The following NRG1 variants were observed in gnomAD, a reference collection of about 807,000 sequenced individuals.
NRG1 encodes neuregulin 1.
A neutral mutation model predicts 63.8 loss-of-function variants in NRG1; 18 were observed. The ratio of observed to expected loss-of-function variants is 0.28; its 90% confidence interval spans 0.19 to 0.42. NRG1 has a LOEUF of 0.42. Ranked by LOEUF, NRG1 falls within the 10% of genes least tolerant of loss-of-function variation. The pLI is 1.00. For synonymous variants in NRG1, 302 were observed against 301.3 expected, an observed-to-expected ratio of 1.00 and a Z score of -0.02; for missense variants, 762 against 814.7, an observed-to-expected ratio of 0.94 and a Z score of 0.79.
At chr8:31,652,165 A>AT (rs1037466368) in intron 1 of NRG1, among the ~76,000 whole-genome samples, 11 of 152,118 alleles carry the variant, frequency 7.2e-5, no homozygotes, top group African/African-American at 2.7e-4. Context: ...CAGCATTAAT[A>AT]TTTTTTAGTT....
Position 32,618,944 on chromosome 8 carries a change from C to T in NRG1, c.502+2059C>T, listed in dbSNP as rs537657566. Among the ~76,000 whole-genome samples the T allele has an allele frequency of 2.2e-3, 342 of 152,168 alleles. 2 individuals are homozygous for T. The highest frequency in any genetic ancestry group is 3.9e-3 in the Non-Finnish European group (267 of 68,000). On this transcript the variant is annotated intron_variant, in intron 5 of 11. Transcript: ENST00000356819. The stretch of plus-strand genomic sequence containing the variant: ...TCTAGGGAAACTGGCTGGGCATGGT[C>T]GCTCATGCCTATAATCCTAGCATTT...
chr8:31,687,653 G>C (rs937809377), intron 1 of NRG1, among the ~76,000 whole-genome samples: 1 of 152,226 alleles, frequency 6.6e-6, no homozygotes, highest in Non-Finnish European at 1.5e-5. Context: ...ACAGGGCTTA[G>C]AGTGTTTATT....
chr8:32,511,367 G>GTATA (rs202038797), intron 1 of NRG1, among the ~76,000 whole-genome samples: 4,338 of 121,604 alleles, frequency 0.036, 89 homozygotes, highest in South Asian at 0.054. Context: ...ATATATATGT[G>GTATA]TATATATATA....
chr8:31,647,182 A>G (rs1450840936), intron 1 of NRG1, among the ~76,000 whole-genome samples: 1 of 152,248 alleles, frequency 6.6e-6, no homozygotes, highest in East Asian at 1.9e-4. Context: ...TAACCATCTC[A>G]GTACTGTAAG....
chr8:32,735,833 C>T (rs572089057), intron 6 of NRG1, among the ~76,000 whole-genome samples: 1 of 152,278 alleles, frequency 6.6e-6, no homozygotes, highest in South Asian at 2.1e-4. Flanking sequence ...ACAAACACCG[C>T]CACCCTCATT....
At chr8:31,779,694 A>T (rs984631002) in intron 1 of NRG1, among the ~76,000 whole-genome samples, 2 of 152,218 alleles carry the variant, frequency 1.3e-5, no homozygotes, top group African/African-American at 4.8e-5. Context: ...AGCTTGACAT[A>T]GTGGAAATAG....
intron 1 of NRG1, among the ~76,000 whole-genome samples, chr8:31,798,170 G>A (rs895715896): frequency 6.6e-6 from 1 of 152,116 alleles, no homozygotes; most frequent in African/African-American, 2.4e-5. Flanking sequence ...TACAGCTGGA[G>A]ATGATTTATT....
At chr8:31,700,291 TG>T (rs1810502392) in intron 1 of NRG1, among the ~76,000 whole-genome samples, 2 of 152,128 alleles carry the variant, frequency 1.3e-5, no homozygotes, top group South Asian at 4.1e-4. Flanking sequence ...TGTTAGTGTC[TG>T]GGTGGTATTC....
intron 1 of NRG1, among the ~76,000 whole-genome samples, chr8:32,057,195 G>A (rs1823089137): frequency 2.0e-5 from 3 of 152,054 alleles, no homozygotes; most frequent in South Asian, 2.1e-4. Context: ...CTTCTAATTC[G>A]TGTGAATAGA....
At chr8:31,812,705 T>A (rs1823012533) in intron 1 of NRG1, among the ~76,000 whole-genome samples, 1 of 149,002 alleles carries the variant, frequency 6.7e-6, no homozygotes. Context: ...TCTTTCTTTC[T>A]TTGCCATTTC....
At chr8:31,997,102 A>G (rs1586357286) in intron 1 of NRG1, among the ~76,000 whole-genome samples, 1 of 151,540 alleles carries the variant, frequency 6.6e-6, no homozygotes, top group African/African-American at 2.4e-5. Context: ...TATTGATTTA[A>G]TTTTTTAATT....
At position 32,038,257 on chromosome 8, in the gene NRG1, C is replaced by T. The variant is rs536880983; in HGVS notation, c.37+398826C>T. ...AGCACCTTTTGCCGCACGCAGGCTC[C>T]GGGTGGGCCCTCGCTCCACCCTGCT... On this transcript the variant is annotated intron_variant, in intron 1 of 10. Transcript: ENST00000519301. Among the ~76,000 whole-genome samples, 9 of 152,284 alleles carry T rather than the reference C, an allele frequency of 5.9e-5. No homozygotes were observed. In the East Asian group the frequency reaches 1.4e-3, roughly 23 times the overall value.
Position 31,809,840 on chromosome 8 carries a change from A to T in NRG1, c.37+170409A>T, listed in dbSNP as rs548677707. Among the ~76,000 whole-genome samples, 94 of 122,148 alleles carry T rather than the reference A, an allele frequency of 7.7e-4. 1 individual carries two copies. The highest frequency in any genetic ancestry group is 1.4e-3 in the Non-Finnish European group (80 of 58,796). The allele number at this position is 122,148 out of a possible 152,430, so 80.1% of individuals were successfully genotyped here. On this transcript the variant is annotated intron_variant, in intron 1 of 10. Transcript: ENST00000519301. ...TCTGACCCGAGTGCTCTCTTTTAGA[A>T]TTTTTTTTTTTTTTAGGGTCAGATC...
intron 1 of NRG1, among the ~76,000 whole-genome samples, chr8:31,858,479 A>G (rs1301196075): frequency 6.6e-6 from 1 of 152,204 alleles, no homozygotes; most frequent in Non-Finnish European, 1.5e-5. Flanking sequence ...TGCAGCAACA[A>G]CAACAAACAA....
At chr8:32,535,952 T>C (rs1831922342) in intron 1 of NRG1, among the ~76,000 whole-genome samples, 1 of 152,128 alleles carries the variant, frequency 6.6e-6, no homozygotes, top group Non-Finnish European at 1.5e-5. Flanking sequence ...CATTCCAAAC[T>C]TTCTTCCTAT....
intron 1 of NRG1, among the ~76,000 whole-genome samples, chr8:32,288,383 G>A (rs1210542698): frequency 1.3e-5 from 2 of 152,160 alleles, no homozygotes; most frequent in South Asian, 4.1e-4. Context: ...TCATGACTGA[G>A]ATAGATATTG....
chr8:32,103,993 A>G (rs1480203798), intron 1 of NRG1, among the ~76,000 whole-genome samples: 1 of 152,212 alleles, frequency 6.6e-6, no homozygotes, highest in African/African-American at 2.4e-5. Flanking sequence ...TTGTAGTCCA[A>G]ATAGTCTCTG....
chr8:32,213,487 A>C (rs543302181), intron 1 of NRG1, among the ~76,000 whole-genome samples: 1 of 152,148 alleles, frequency 6.6e-6, no homozygotes, highest in Non-Finnish European at 1.5e-5. Context: ...GAACATCAGA[A>C]TAAATAGCTA....
intron 1 of NRG1, among the ~76,000 whole-genome samples, chr8:32,318,403 A>G (rs1018114291): frequency 7.2e-5 from 11 of 152,164 alleles, no homozygotes; most frequent in Non-Finnish European, 8.8e-5. Flanking sequence ...AGAATCAAAC[A>G]TTTTAGAGCT....
Sources: gnomAD v4.1 joint callset for allele counts (sites outside exome capture counted in the v4.1 genomes callset) on GRCh38, gnomAD v4.1.1 for gene constraint, MANE v1.5 for transcripts, NCBI Gene and HGNC (gene_info 2026-07-23, HGNC 2026-07-21) for gene names.